Variants in ADGRL2 observed in about 807,000 individuals in gnomAD.
ADGRL2 encodes the protein calcium-independent alpha-latrotoxin receptor 2.
ADGRL2 carries 44 observed loss-of-function variants against 157.4 expected under a neutral mutation model. That is an observed-to-expected ratio of 0.28 (90% CI 0.22 to 0.36). The LOEUF is 0.36. Ranked by LOEUF, ADGRL2 falls within the 10% of genes least tolerant of loss-of-function variation. The probability of loss-of-function intolerance (pLI) is 1.00; values close to 1 mark genes in which losing one functional copy is unlikely to be tolerated. For synonymous variants in ADGRL2, 585 were observed against 624.7 expected, an observed-to-expected ratio of 0.94 and a Z score of 0.95; for missense variants, 1,510 against 1,768.9, an observed-to-expected ratio of 0.85 and a Z score of 2.63.
At chr1:81,912,807 G>C (rs1196625094) in intron 3 of ADGRL2, among the ~76,000 whole-genome samples, 1 of 152,070 alleles carries the variant, frequency 6.6e-6, no homozygotes, top group East Asian at 1.9e-4. Flanking sequence ...GAACATGTTA[G>C]GATTTTCGAG....
chr1:81,308,887 T>A (rs1343809850), intron 1 of ADGRL2, among the ~76,000 whole-genome samples: 3 of 152,152 alleles, frequency 2.0e-5, no homozygotes, highest in Non-Finnish European at 2.9e-5. Context: ...TTCAAGCAAC[T>A]GTTCAAGACA....
At chr1:81,801,573 T>C (rs938290324) in intron 1 of ADGRL2, among the ~76,000 whole-genome samples, 39 of 152,192 alleles carry the variant, frequency 2.6e-4, no homozygotes, top group African/African-American at 8.7e-4. Context: ...CGGCTACTCC[T>C]TGCTTCCCCG....
At chr1:81,576,521 C>T (rs1025705170) in intron 2 of ADGRL2, among the ~76,000 whole-genome samples, 13 of 152,070 alleles carry the variant, frequency 8.5e-5, no homozygotes, top group Non-Finnish European at 1.0e-4. Context: ...AGGCTACCCC[C>T]ATTCAGAAGA....
intron 1 of ADGRL2, among the ~76,000 whole-genome samples, chr1:81,827,111 A>G (rs1416586618): frequency 6.6e-6 from 1 of 152,218 alleles, no homozygotes; most frequent in Non-Finnish European, 1.5e-5. Context: ...AGCTCTAAAT[A>G]TATGTTTCAA....
rs558076264 is a variant in ADGRL2, at chr1:81,348,379, T to C, written c.-302+41870T>C. On this transcript the variant is annotated intron_variant, in intron 1 of 24. Transcript: ENST00000370721. ...CAAACTCGTCCTCTGGTAATCAGAA[T>C]CTACTTTTTGACAGTAGCCTTTCTC... is the stretch of plus-strand genomic sequence containing the variant. 2.0e-5 allele frequency among the ~76,000 whole-genome samples: 3 copies of C among 152,340 alleles called. No homozygotes were observed. The East Asian group carries it at 5.8e-4, about 29-fold the overall frequency.
At chr1:81,904,211 T>G (rs1016015601) in intron 2 of ADGRL2, among the ~76,000 whole-genome samples, 2 of 152,244 alleles carry the variant, frequency 1.3e-5, no homozygotes, top group African/African-American at 4.8e-5. Flanking sequence ...AGGGTAGATA[T>G]ATATATATAC....
intron 2 of ADGRL2, among the ~76,000 whole-genome samples, chr1:81,572,550 T>G (rs1358115482): frequency 6.6e-6 from 1 of 152,136 alleles, no homozygotes; most frequent in East Asian, 1.9e-4. Context: ...GTATTAAACT[T>G]TCATATTACA....
Position 81,459,843 on chromosome 1 carries a change from CAT to C in ADGRL2, c.-248+14756_-248+14757del, listed in dbSNP as rs1557704585. 6.1e-5 allele frequency among the ~76,000 whole-genome samples: 9 copies of C among 148,076 alleles called. No individual in the cohort carries two copies. In the South Asian group the frequency reaches 1.5e-3, roughly 25 times the overall value. On this transcript the variant is annotated intron_variant, in intron 2 of 24. Coordinates refer to the ADGRL2 transcript ENST00000370721. ...ATATATATATATATACACACACACACATACACACACTAAGTAGCAGGATTGCT... is the reference window on the plus strand; with the variant it reads ...ATATATATATATATACACACACACACACACACACTAAGTAGCAGGATTGCT...
At chr1:81,327,601 T>G (rs1196453195) in intron 1 of ADGRL2, among the ~76,000 whole-genome samples, 1 of 152,166 alleles carries the variant, frequency 6.6e-6, no homozygotes, top group Non-Finnish European at 1.5e-5. Context: ...AAAATCAATA[T>G]CCCTAAAATA....
chr1:81,366,944 A>C (rs907912435), intron 1 of ADGRL2, among the ~76,000 whole-genome samples: 1 of 152,228 alleles, frequency 6.6e-6, no homozygotes, highest in South Asian at 2.1e-4. Context: ...TATGCTACAT[A>C]CTTTCCTGAG....
Position 81,399,682 on chromosome 1 carries a change from T to A in ADGRL2, c.-301-45354T>A, listed in dbSNP as rs1211244328. 2.6e-5 allele frequency among the ~76,000 whole-genome samples: 4 copies of A among 152,210 alleles called. No homozygotes were observed. In the East Asian group the frequency reaches 7.7e-4, roughly 29 times the overall value. Reference sequence around the variant, plus strand: ...CTACATTTCTTGTTCATACTATGAATTGTTTTCTTGATTTTGTTAAATTGT... The same window carrying A: ...CTACATTTCTTGTTCATACTATGAAATGTTTTCTTGATTTTGTTAAATTGT... On this transcript the variant is annotated intron_variant, in intron 1 of 24. Transcript: ENST00000370721.
In ADGRL2 at chr1:81,904,300, T is replaced by C. The variant is rs954513588; in HGVS notation, c.74-2717T>C. 3.9e-5 allele frequency among the ~76,000 whole-genome samples: 6 copies of C among 152,188 alleles called. No individual in the cohort carries two copies. The South Asian group carries it at 1.2e-3, about 32-fold the overall frequency. ...ATATATCTGCATATATAAAGTTTAATCAAAACAGGTAAGAGAAAGAATTTA... is the reference window on the plus strand; with the variant it reads ...ATATATCTGCATATATAAAGTTTAACCAAAACAGGTAAGAGAAAGAATTTA... On this transcript the variant is annotated intron_variant, in intron 2 of 23. Coordinates refer to ENST00000686636, the MANE Select transcript of ADGRL2 (RefSeq NM_001366006.2).
intron 1 of ADGRL2, among the ~76,000 whole-genome samples, chr1:81,354,505 T>A (rs1663135607): frequency 6.6e-6 from 1 of 152,186 alleles, no homozygotes; most frequent in Non-Finnish European, 1.5e-5. Context: ...AGTTGAAGGA[T>A]AACTGTGCAT....
At chr1:81,558,247 G>T (rs942675497) in intron 2 of ADGRL2, among the ~76,000 whole-genome samples, 19 of 152,258 alleles carry the variant, frequency 1.2e-4, no homozygotes, top group Non-Finnish European at 2.1e-4. Flanking sequence ...GGGAAAAACA[G>T]TATGGACATA....
intron 3 of ADGRL2, among the ~76,000 whole-genome samples, chr1:81,601,676 T>A (rs2081335759): frequency 6.6e-6 from 1 of 152,174 alleles, no homozygotes; most frequent in African/African-American, 2.4e-5. Context: ...ATATTCCAGA[T>A]TCATCTGAGA....
In ADGRL2 at chr1:81,511,377, G is replaced by GAA. The variant is rs1160303114; in HGVS notation, c.-248+66305_-248+66306dup. 1.3e-3 allele frequency among the ~76,000 whole-genome samples: 77 copies of GAA among 60,712 alleles called. 1 individual carries two copies. Among genetic ancestry groups the GAA allele is most frequent in the East Asian group, 3.4e-3 (7 of 2,050 alleles). The allele number at this position is 60,712 out of a possible 152,430, so 39.8% of individuals were successfully genotyped here. On this transcript the variant is annotated intron_variant, in intron 2 of 24. Transcript: ENST00000370721. ...GGTAACACAGCAAGACCTTGTCTCA[G>GAA]AAAAAAAAAAAAAAAAAAGCGCGCA... is the stretch of plus-strand genomic sequence containing the variant.
chr1:81,648,604 G>A (rs992821622), intron 3 of ADGRL2, among the ~76,000 whole-genome samples: 2 of 152,124 alleles, frequency 1.3e-5, no homozygotes, highest in Non-Finnish European at 2.9e-5. Context: ...TGCACTAGAC[G>A]GGAGAGGGGA....
chr1:81,779,337 C>G (rs1285647807), intron 2 of ADGRL2, among the ~76,000 whole-genome samples: 1 of 152,070 alleles, frequency 6.6e-6, no homozygotes, highest in Non-Finnish European at 1.5e-5. Context: ...GACATATGAC[C>G]AGAGATATGA....
rs773340359 is a variant in ADGRL2 at position 81,907,209 on chromosome 1, C to T, written c.266C>T (p.Ala89Val). Residue 89 changes from alanine (A) to valine (V), a missense_variant, in exon 3 of 24, where the codon GCC becomes GTC. Transcript: ENST00000686636. ...AATACAGACTGCTACCTCCCCGATGCCTTCAAAATTATGACTCAAAGGTAA... is the reference window on the plus strand; with the variant it reads ...AATACAGACTGCTACCTCCCCGATGTCTTCAAAATTATGACTCAAAGGTAA... Reference protein sequence around the residue: ...MENTDCYLPDAFKIMTQRCNN... With the variant: ...MENTDCYLPDVFKIMTQRCNN... 1 of 1,613,760 alleles carries T rather than the reference C, an allele frequency of 6.2e-7. No homozygotes were observed. Among genetic ancestry groups the T allele is most frequent in the East Asian group, 2.2e-5 (1 of 44,850 alleles).
Sources: gnomAD v4.1 joint callset for allele counts (sites outside exome capture counted in the v4.1 genomes callset) on GRCh38, gnomAD v4.1.1 for gene constraint, MANE v1.5 for transcripts, NCBI Gene and HGNC (gene_info 2026-07-23, HGNC 2026-07-21) for gene names.